Variants in CRACD observed in about 807,000 individuals in gnomAD.
CRACD encodes the protein capping protein-inhibiting regulator of actin dynamics.
Under a neutral mutation model 106.8 loss-of-function variants are expected in CRACD, and 56 were observed. The ratio of observed to expected loss-of-function variants is 0.52; its 90% confidence interval spans 0.42 to 0.66. The LOEUF (loss-of-function observed/expected upper bound fraction) is 0.66, where lower values mean the gene tolerates loss of function less well. CRACD is among the 30% of genes least tolerant of loss of function. CRACD has a pLI of 0.00. For synonymous variants in CRACD, 754 were observed against 670.8 expected (o/e 1.12, Z -1.92); for missense variants, 1,730 against 1,623.2 (o/e 1.07, Z -1.13).
At chr4:56,118,051 G>T (rs34081839) in intron 1 of CRACD, among the ~76,000 whole-genome samples, 8,229 of 152,248 alleles carry the variant, frequency 0.054, 274 homozygotes, top group East Asian at 0.18. Flanking sequence ...GAGCCACTGC[G>T]CCCGGCTGCT....
At chr4:56,096,648 T>A (rs1046968420) in intron 1 of CRACD, among the ~76,000 whole-genome samples, 2 of 149,394 alleles carry the variant, frequency 1.3e-5, no homozygotes, top group African/African-American at 4.9e-5. Context: ...AAAAAGAGAA[T>A]AGAGAAATGA....
At chr4:56,189,931 C>T (rs9684430) in intron 2 of CRACD, among the ~76,000 whole-genome samples, 4,646 of 148,380 alleles carry the variant, frequency 0.031, 218 homozygotes, top group African/African-American at 0.11. Context: ...AACTCATCAT[C>T]TAGCATTAGG....
At chr4:56,101,542 C>T (rs1255236676) in intron 1 of CRACD, among the ~76,000 whole-genome samples, 1 of 152,090 alleles carries the variant, frequency 6.6e-6, no homozygotes, top group African/African-American at 2.4e-5. Flanking sequence ...GCAGGTGGAT[C>T]ACCTGAGGTC....
At chr4:56,240,540 T>C (rs1740302273) in intron 2 of CRACD, among the ~76,000 whole-genome samples, 1 of 152,204 alleles carries the variant, frequency 6.6e-6, no homozygotes, top group Admixed American at 6.5e-5. Context: ...GGCCTCACTT[T>C]GTCACGCAGG....
At chr4:56,052,870 A>C (rs1461554430) in intron 1 of CRACD, among the ~76,000 whole-genome samples, 1 of 152,160 alleles carries the variant, frequency 6.6e-6, no homozygotes, top group Non-Finnish European at 1.5e-5. Flanking sequence ...CCTTAACATA[A>C]ATTTGAATGT....
chr4:56,075,626 A>T (rs1732814766), intron 1 of CRACD, among the ~76,000 whole-genome samples: 1 of 152,046 alleles, frequency 6.6e-6, no homozygotes, highest in Non-Finnish European at 1.5e-5. Context: ...CCCTCCCCCA[A>T]ACCCCTAGCA....
chr4:56,197,708 T>C (rs976941120), intron 2 of CRACD, among the ~76,000 whole-genome samples: 1 of 152,020 alleles, frequency 6.6e-6, no homozygotes, highest in East Asian at 1.9e-4. Context: ...AAACGGAGTC[T>C]CACTCTGTTG....
intron 2 of CRACD, among the ~76,000 whole-genome samples, chr4:56,255,494 T>C (rs1284716719): frequency 6.6e-6 from 1 of 150,544 alleles, no homozygotes; most frequent in Non-Finnish European, 1.5e-5. Flanking sequence ...AAAAAAAAAA[T>C]CAGTTAGCTT....
At chr4:56,097,013 A>AC (rs1733619954) in intron 1 of CRACD, among the ~76,000 whole-genome samples, 2 of 151,908 alleles carry the variant, frequency 1.3e-5, no homozygotes, top group African/African-American at 4.9e-5. Context: ...GATGTAGAAG[A>AC]ATTGGGTAGA....
At chr4:56,087,619 C>T (rs1428398933) in intron 1 of CRACD, among the ~76,000 whole-genome samples, 1 of 152,156 alleles carries the variant, frequency 6.6e-6, no homozygotes, top group Non-Finnish European at 1.5e-5. Context: ...CTTATTGCTG[C>T]CAAGTGTGCA....
At chr4:56,081,493 A>G (rs1300567003) in intron 1 of CRACD, among the ~76,000 whole-genome samples, 2 of 152,220 alleles carry the variant, frequency 1.3e-5, no homozygotes, top group Non-Finnish European at 2.9e-5. Flanking sequence ...GAGCTATATA[A>G]GAGTTGTTGC....
Position 56,229,254 on chromosome 4 carries a change from G to A in CRACD, c.-188-43067G>A, listed in dbSNP as rs139245883. Among the ~76,000 whole-genome samples, 619 of 152,204 alleles carry A rather than the reference G, an allele frequency of 4.1e-3. 3 individuals carry two copies. Among genetic ancestry groups the A allele is most frequent in the African/African-American group, 0.014 (588 of 41,534 alleles). ...ATGATATTAGAAGGTGGGGCCTTTC[G>A]GAGGTGGCTCTGCCCTTATGAATGG... On this transcript the variant is annotated intron_variant, in intron 2 of 10. Transcript: ENST00000682029.
intron 1 of CRACD, among the ~76,000 whole-genome samples, chr4:56,092,051 A>G (rs1733439514): frequency 6.6e-6 from 1 of 152,198 alleles, no homozygotes; most frequent in Non-Finnish European, 1.5e-5. Context: ...AGTGGGCCAC[A>G]GAGTTGGGGA....
intron 2 of CRACD, among the ~76,000 whole-genome samples, chr4:56,199,988 TA>T (rs1415473279): frequency 1.3e-5 from 2 of 151,984 alleles, no homozygotes; most frequent in Non-Finnish European, 2.9e-5. Context: ...ATTTCATTTT[TA>T]TTTTTTTTTC....
chr4:56,180,673 TAAC>T (rs768336011), intron 2 of CRACD, among the ~76,000 whole-genome samples: 1 of 152,210 alleles, frequency 6.6e-6, no homozygotes, highest in Non-Finnish European at 1.5e-5. Context: ...CCTATTACGA[TAAC>T]TACCTGTTAA....
intron 2 of CRACD, among the ~76,000 whole-genome samples, chr4:56,211,757 G>A (rs1201257064): frequency 1.3e-5 from 2 of 152,168 alleles, no homozygotes; most frequent in Non-Finnish European, 2.9e-5. Flanking sequence ...ATGTGGGCAT[G>A]ACAGTATAAA....
intron 8 of CRACD, 56 bp downstream of exon 8, chr4:56,316,745 T>C: frequency 1.6e-5 from 23 of 1,441,798 alleles, no homozygotes; most frequent in South Asian, 1.1e-4. Flanking sequence ...AGCCAGGGCA[T>C]CAAGAAGAGA....
At chr4:56,083,942 A>G (rs917129437) in intron 1 of CRACD, among the ~76,000 whole-genome samples, 13 of 152,176 alleles carry the variant, frequency 8.5e-5, no homozygotes, top group African/African-American at 2.9e-4. Context: ...GTGCCACTGC[A>G]CTCCAGCCTG....
At position 56,316,555 on chromosome 4, in the gene CRACD, C is replaced by T. The variant is rs201317372; in HGVS notation, c.3053C>T (p.Pro1018Leu). Residue 1018 changes from proline (P) to leucine (L), a missense_variant, in exon 8 of 11, where the codon CCC (proline) becomes CTC (leucine). By Grantham distance (98) the Pro-to-Leu change is moderately conservative. Transcript: ENST00000682029. Reference sequence around the variant, plus strand: ...AGCAGTGACCGCCGGCCACCCTCGCCCCCAGGCCCCGAGGAAAGGAAGGGA... The same window carrying T: ...AGCAGTGACCGCCGGCCACCCTCGCTCCCAGGCCCCGAGGAAAGGAAGGGA... ...QESSDRRPPS[P>L]PGPEERKGQK... 1,782 of 1,613,244 alleles carry T rather than the reference C, an allele frequency of 1.1e-3. 5 individuals are homozygous for T. The highest frequency in any genetic ancestry group is 1.2e-3 in the Non-Finnish European group (1,459 of 1,179,614).
Sources: allele counts gnomAD v4.1 joint callset (sites outside exome capture counted in the v4.1 genomes callset), GRCh38; gene constraint gnomAD v4.1.1; transcripts MANE v1.5; gene names NCBI Gene and HGNC (gene_info 2026-07-23, HGNC 2026-07-21).